Variants in TIMP2 observed in about 807,000 individuals in gnomAD.
TIMP2 encodes metalloproteinase inhibitor 2.
Under a neutral mutation model 24.3 loss-of-function variants are expected in TIMP2, and 5 were observed. That is an observed-to-expected ratio of 0.21 (90% CI 0.11 to 0.43). The LOEUF is 0.43. TIMP2 is among the 20% of genes least tolerant of loss of function. The probability of loss-of-function intolerance (pLI) is 1.00; values close to 1 mark genes in which losing one functional copy is unlikely to be tolerated. For missense variants in TIMP2, 221 were observed against 297.5 expected (o/e 0.74, Z 1.89); for synonymous variants, 130 against 123.2 (o/e 1.06, Z -0.37).
intron 4 of TIMP2, 75 bp downstream of exon 4, chr17:78,857,447 G>A: frequency 6.3e-7 from 1 of 1,596,526 alleles, no homozygotes. Context: ...TGGAAAGCCA[G>A]GGATCAAAAT....
Position 78,920,300 on chromosome 17 carries a change from AG to A in TIMP2, c.130+4658del, listed in dbSNP as rs1399736750. Among the ~76,000 whole-genome samples, 1 of 152,180 alleles carries A rather than the reference AG, an allele frequency of 6.6e-6. No individual in the cohort carries two copies. Among genetic ancestry groups the A allele is most frequent in the African/African-American group, 2.4e-5 (1 of 41,448 alleles). On this transcript the variant is annotated intron_variant, in intron 1 of 4. Coordinates refer to ENST00000262768, the MANE Select transcript of TIMP2 (RefSeq NM_003255.5). The surrounding 1 kb of genome is among the most constrained non-coding windows in gnomAD (Gnocchi z 4.5). ...GCAGGGAGGAGGGAGGCAGTACCCA[AG>A]CCCACCTGCAGCTCACAAACGACAG...
intron 1 of TIMP2, among the ~76,000 whole-genome samples, chr17:78,875,765 C>T (rs951179686): frequency 1.1e-4 from 17 of 152,100 alleles, no homozygotes; most frequent in African/African-American, 3.6e-4. Context: ...CTCTTAGAAC[C>T]CCTTAGGCAG....
intron 1 of TIMP2, among the ~76,000 whole-genome samples, chr17:78,913,285 C>T (rs1019103512): frequency 3.3e-5 from 5 of 152,188 alleles, no homozygotes; most frequent in African/African-American, 9.7e-5. Flanking sequence ...CGTGAACCCA[C>T]GTTGAGGCCC....
chr17:78,893,674 G>A (rs973445312), intron 1 of TIMP2, among the ~76,000 whole-genome samples: 1 of 152,016 alleles, frequency 6.6e-6, no homozygotes, highest in African/African-American at 2.4e-5. Context: ...GTATGTATGT[G>A]TGCATGCAAG....
rs1376371800 is a variant in TIMP2, at chr17:78,891,145, C to T, written c.131-17226G>A. 3.2e-6 allele frequency: 5 copies of T among 1,550,664 alleles called. No individual in the cohort carries two copies. The highest frequency in any genetic ancestry group is 2.4e-5 in the East Asian group (1 of 40,920). ...CCTCTTTGTTGATAAATATACCTGC[C>T]TCGGGAGACAATGTTTGACTTCCAT... On this transcript the variant is annotated intron_variant, in intron 1 of 4. Transcript: ENST00000262768. This position sits in a 1 kb window ranked among gnomAD's most constrained non-coding sequence, Gnocchi z 4.5.
In TIMP2 at chr17:78,888,699, C is replaced by T. The variant is rs141453228; in HGVS notation, c.131-14780G>A. On this transcript the variant is annotated intron_variant, in intron 1 of 4. Transcript: ENST00000262768. Reference sequence around the variant, plus strand: ...TTCCTGGGCTCAAGTGATCCTCCTGCGCTGGCTTCCCAAAATGTTGGGATT... The same window carrying T: ...TTCCTGGGCTCAAGTGATCCTCCTGTGCTGGCTTCCCAAAATGTTGGGATT... 4.4e-4 allele frequency among the ~76,000 whole-genome samples: 67 copies of T among 152,288 alleles called. No homozygotes were observed. The East Asian group carries it at 7.7e-3, about 18-fold the overall frequency.
intron 1 of TIMP2, chr17:78,890,932 T>C (rs1248996639): frequency 6.4e-7 from 1 of 1,550,818 alleles, no homozygotes. Context: ...TATCTGGGTG[T>C]TCCATTTGTT....
chr17:78,855,396 C>T lies in TIMP2; in HGVS notation c.*271G>A, dbSNP rs76460777. ...AAGGCAGGGACTGGGAGGGAAGCCG[C>T]GTGTCCCAGCCCTGCCTGCACCCAA... On this transcript the variant is annotated 3_prime_UTR_variant, in exon 5 of 5. Transcript: ENST00000262768. The surrounding 1 kb of genome is among the most constrained non-coding windows in gnomAD (Gnocchi z 6.0). 5.1e-4 allele frequency: 252 copies of T among 498,888 alleles called. No homozygotes were observed. The East Asian group carries it at 8.3e-3, about 16-fold the overall frequency. The allele number at this position is 498,888 out of a possible 1,614,324, so 30.9% of individuals were successfully genotyped here. A position where few individuals can be genotyped will look rare whatever the true frequency, so the allele number is the denominator to read the frequency against.
intron 1 of TIMP2, among the ~76,000 whole-genome samples, chr17:78,876,105 C>T (rs575579537): frequency 6.6e-6 from 1 of 152,244 alleles, no homozygotes; most frequent in Non-Finnish European, 1.5e-5. Flanking sequence ...GCCCTCCTAA[C>T]CATCCTCTCA....
At chr17:78,882,213 C>A (rs1240046127) in intron 1 of TIMP2, among the ~76,000 whole-genome samples, 1 of 152,202 alleles carries the variant, frequency 6.6e-6, no homozygotes, top group Non-Finnish European at 1.5e-5. Context: ...CTCACGTGAT[C>A]CACCCATCTT....
At chr17:78,877,963 C>T (rs1159638779) in intron 1 of TIMP2, among the ~76,000 whole-genome samples, 2 of 152,156 alleles carry the variant, frequency 1.3e-5, no homozygotes, top group African/African-American at 4.8e-5. Flanking sequence ...GCCTCGGCCT[C>T]CCAACGTGCT....
chr17:78,867,403 A>G (rs1314725254), intron 3 of TIMP2, among the ~76,000 whole-genome samples: 1 of 152,116 alleles, frequency 6.6e-6, no homozygotes, highest in Non-Finnish European at 1.5e-5. Flanking sequence ...AGCTGTGAGC[A>G]TGTTAAGGAA....
chr17:78,864,948 G>C (rs959609061), intron 3 of TIMP2, among the ~76,000 whole-genome samples: 15 of 152,126 alleles, frequency 9.9e-5, no homozygotes, highest in African/African-American at 3.6e-4. Context: ...CAGCTACTCA[G>C]GAGGCTGAGG....
chr17:78,918,849 A>C (rs183734943), intron 1 of TIMP2, among the ~76,000 whole-genome samples: 313 of 152,196 alleles, frequency 2.1e-3, no homozygotes, highest in African/African-American at 7.2e-3. Context: ...AAATTAAAAA[A>C]ATTAGCTGGG....
intron 1 of TIMP2, among the ~76,000 whole-genome samples, chr17:78,918,015 G>C (rs2145796224): frequency 6.6e-6 from 1 of 151,840 alleles, no homozygotes; most frequent in South Asian, 2.1e-4. Flanking sequence ...CCTTTGAGAA[G>C]TTGGCGGCTG....
At chr17:78,921,006 C>T (rs542246272) in intron 1 of TIMP2, among the ~76,000 whole-genome samples, 2 of 152,346 alleles carry the variant, frequency 1.3e-5, no homozygotes, top group South Asian at 2.1e-4. Context: ...CAATACAGAT[C>T]GATCACATAC....
chr17:78,867,473 C>G (rs1273877869), intron 3 of TIMP2, among the ~76,000 whole-genome samples: 1 of 152,074 alleles, frequency 6.6e-6, no homozygotes, highest in East Asian at 1.9e-4. Context: ...AACTCACAGC[C>G]CTGCATCTTC....
chr17:78,905,432 G>C (rs1283583848), intron 1 of TIMP2, among the ~76,000 whole-genome samples: 2 of 152,154 alleles, frequency 1.3e-5, no homozygotes, highest in Non-Finnish European at 2.9e-5. Context: ...ACCCTAATAC[G>C]GACCCATAGA....
chr17:78,861,912 T>A (rs2069570126), intron 3 of TIMP2, among the ~76,000 whole-genome samples: 1 of 152,174 alleles, frequency 6.6e-6, no homozygotes, highest in African/African-American at 2.4e-5. Context: ...TGAACGTGGC[T>A]GTCATGTATA....
Sources: allele counts gnomAD v4.1 joint callset (sites outside exome capture counted in the v4.1 genomes callset), GRCh38; gene constraint gnomAD v4.1.1; non-coding constraint Gnocchi (gnomAD v3.1); transcripts MANE v1.5; gene names NCBI Gene and HGNC (gene_info 2026-07-23, HGNC 2026-07-21).